THOC1: variants seen among roughly 807,000 people sequenced by gnomAD.
THOC1 encodes the protein THO complex 1.
A neutral mutation model predicts 97.3 loss-of-function variants in THOC1; 29 were observed. The observed-to-expected ratio is 0.30, with a 90% confidence interval of 0.22 to 0.41. THOC1 has a LOEUF of 0.41. Ranked by LOEUF, THOC1 falls within the 10% of genes least tolerant of loss-of-function variation. The pLI is 1.00. For missense variants in THOC1, 529 were observed against 761.9 expected, an observed-to-expected ratio of 0.69 and a Z score of 3.60; for synonymous variants, 255 against 257.0, an observed-to-expected ratio of 0.99 and a Z score of 0.07.
At chr18:233,486 T>A (rs571319577) in intron 11 of THOC1, among the ~76,000 whole-genome samples, 140 of 152,316 alleles carry the variant, frequency 9.2e-4, no homozygotes, top group African/African-American at 3.2e-3. Flanking sequence ...CTCGGGAGGC[T>A]GAGGCAAGAG....
At chr18:253,903 T>C (rs2588315) in intron 8 of THOC1, among the ~76,000 whole-genome samples, 25 of 48,500 alleles carry the variant, frequency 5.2e-4, no homozygotes, top group Admixed American at 1.6e-3. Flanking sequence ...TTACATGAAA[T>C]TTTTTTTTTT....
Position 214,638 on chromosome 18 carries a change from C to T in THOC1, c.1962G>A (p.Glu654=), listed in dbSNP as rs1360205038. 1.2e-6 allele frequency: 2 copies of T among 1,610,188 alleles called. No individual in the cohort carries two copies. The highest frequency in any genetic ancestry group is 1.7e-5 in the Admixed American group (1 of 59,790). The change falls in exon 21 of 21, where the codon GAG becomes GAA. Residue 654 remains glutamate (E), a synonymous_variant. Coordinates refer to ENST00000261600, the MANE Select transcript of THOC1 (RefSeq NM_005131.3). ...AAAAAAAAAGAAGCTAACTATTTGT[C>T]TCATTGTCATTAGTTAGACTTTCTG... ...DLAESLTNDN[E]TNS is the part of the protein sequence containing the mutation.
chr18:258,207 CG>C (rs1912495716), intron 7 of THOC1, among the ~76,000 whole-genome samples: 1 of 151,460 alleles, frequency 6.6e-6, no homozygotes, highest in East Asian at 1.9e-4. Flanking sequence ...GATTATTTCC[CG>C]TGAGATGAAA....
intron 17 of THOC1, among the ~76,000 whole-genome samples, chr18:222,408 T>C (rs1423039085): frequency 3.3e-5 from 5 of 152,210 alleles, no homozygotes; most frequent in African/African-American, 1.2e-4. Context: ...TTTTAGTCAA[T>C]CACTCAACCA....
At chr18:216,364 C>T in intron 19 of THOC1, 122 bp downstream of exon 19, 1 of 1,077,016 alleles carries the variant, frequency 9.3e-7, no homozygotes, top group Non-Finnish European at 1.4e-6. Flanking sequence ...CATTCTAAAA[C>T]ATGGGAGCTT....
chr18:260,044 G>C (rs1598306650), intron 5 of THOC1, 142 bp downstream of exon 5: 2 of 569,374 alleles, frequency 3.5e-6, no homozygotes, highest in East Asian at 6.6e-5. Context: ...TCTCCCGAGA[G>C]AGCAGTATAT....
chr18:225,041 A>T, intron 14 of THOC1, 47 bp from the exon 15 acceptor site: 1 of 1,565,028 alleles, frequency 6.4e-7, no homozygotes, highest in Non-Finnish European at 8.7e-7. Context: ...AATCCTCTGA[A>T]GTTCTATTTC....
At chr18:227,607 A>ATTT (rs1911338608) in intron 11 of THOC1, among the ~76,000 whole-genome samples, 1 of 78,864 alleles carries the variant, frequency 1.3e-5, no homozygotes, top group Non-Finnish European at 2.7e-5. Context: ...CTCATGAGGA[A>ATTT]GTTCTTCAAC....
At position 254,477 on chromosome 18, in the gene THOC1, A is replaced by T. The variant is rs1025563300; in HGVS notation, c.521-122T>A. 1.6e-5 allele frequency: 10 copies of T among 645,064 alleles called. No individual in the cohort carries two copies. In the African/African-American group the frequency reaches 1.7e-4, roughly 11 times the overall value. 40.0% of individuals were successfully genotyped at this position (645,064 alleles called of 1,614,324 possible). On this transcript the variant is annotated intron_variant, in intron 7 of 20. Coordinates refer to ENST00000261600, the MANE Select transcript of THOC1 (RefSeq NM_005131.3). This position sits in a 1 kb window ranked among gnomAD's most constrained non-coding sequence, Gnocchi z 4.1. ...CATAAAGAGCAGTCAAAATTAACACATTTGATTTTCAAATCCTTTCAAAAA... is the reference window on the plus strand; with the variant it reads ...CATAAAGAGCAGTCAAAATTAACACTTTTGATTTTCAAATCCTTTCAAAAA...
At chr18:234,985 T>C (rs1911623713) in intron 11 of THOC1, among the ~76,000 whole-genome samples, 1 of 152,118 alleles carries the variant, frequency 6.6e-6, no homozygotes. Flanking sequence ...CTTTGAAGTG[T>C]TGATAAGATA....
intron 8 of THOC1, among the ~76,000 whole-genome samples, chr18:253,201 GAAGT>G (rs1234650219): frequency 6.6e-6 from 1 of 152,162 alleles, no homozygotes; most frequent in African/African-American, 2.4e-5. Context: ...ACCTTTTTGA[GAAGT>G]AACCAGGCAA....
At chr18:228,562 C>A (rs1034048860) in intron 11 of THOC1, among the ~76,000 whole-genome samples, 3 of 152,030 alleles carry the variant, frequency 2.0e-5, no homozygotes, top group Admixed American at 6.5e-5. Flanking sequence ...ACAACCAACA[C>A]AGGTGGTGGG....
chr18:252,763 A>G (rs529352604), intron 8 of THOC1, among the ~76,000 whole-genome samples, 151 bp from the exon 9 acceptor site: 1 of 152,360 alleles, frequency 6.6e-6, no homozygotes, highest in South Asian at 2.1e-4. Context: ...GTTAATCTGT[A>G]AGGCAATCAG....
At chr18:225,021 T>C in intron 14 of THOC1, 27 bp from the exon 15 acceptor site, 3 of 1,565,782 alleles carry the variant, frequency 1.9e-6, no homozygotes, top group Non-Finnish European at 2.6e-6. Context: ...GATTACATTT[T>C]GGTTAGTGGA....
Position 214,874 on chromosome 18 carries a change from CCT to C in THOC1, c.1724_1725del (p.Glu575GlyfsTer8). 6.2e-7 allele frequency: 1 copy of C among 1,613,936 alleles called. No individual in the cohort carries two copies. ...RDKPVTGEQI[E>X]VFANKLGEQW... ...TGTTCACCCAGCTTGTTGGCAAATA[CCT>C]CTATTTGTTCTCCTGTTACAGGTTT... On this transcript the variant is annotated frameshift_variant, in exon 21 of 21. Transcript: ENST00000261600. LOFTEE classifies it high-confidence loss of function.
At chr18:255,370 T>C (rs1340477022) in intron 7 of THOC1, among the ~76,000 whole-genome samples, 1 of 152,200 alleles carries the variant, frequency 6.6e-6, no homozygotes, top group Non-Finnish European at 1.5e-5. Flanking sequence ...AAAGTGCCAC[T>C]CCAGTGAATA....
intron 15 of THOC1, among the ~76,000 whole-genome samples, chr18:224,660 A>G (rs1424692483): frequency 6.6e-6 from 1 of 152,020 alleles, no homozygotes; most frequent in East Asian, 1.9e-4. Flanking sequence ...TTATATGGCA[A>G]ATTACACGGA....
At chr18:232,296 CTT>C (rs926263167) in intron 11 of THOC1, among the ~76,000 whole-genome samples, 1 of 152,066 alleles carries the variant, frequency 6.6e-6, no homozygotes, top group African/African-American at 2.4e-5. Context: ...GGGGGTATCA[CTT>C]TGTTGCTCAG....
At chr18:218,743 G>T in intron 18 of THOC1, 143 bp downstream of exon 18, 1 of 644,800 alleles carries the variant, frequency 1.6e-6, no homozygotes, top group Non-Finnish European at 2.7e-6. Context: ...GTACTAACAA[G>T]AACTTGGAAC....
Sources: gnomAD v4.1 joint callset for allele counts (sites outside exome capture counted in the v4.1 genomes callset) on GRCh38, gnomAD v4.1.1 for gene constraint, Gnocchi (gnomAD v3.1) non-coding constraint, MANE v1.5 for transcripts, NCBI Gene and HGNC (gene_info 2026-07-23, HGNC 2026-07-21) for gene names.